Variants in ZBTB32 observed in about 807,000 individuals in gnomAD.
The protein encoded by ZBTB32 is zinc finger and BTB domain-containing protein 32.
ZBTB32 carries 28 observed loss-of-function variants against 45.3 expected under a neutral mutation model. The observed-to-expected ratio is 0.62, with a 90% CI of 0.46 to 0.85. The LOEUF (loss-of-function observed/expected upper bound fraction) is 0.85, where lower values mean the gene tolerates loss of function less well. ZBTB32 is among the 40% of genes least tolerant of loss of function. The pLI, the probability that ZBTB32 is intolerant of heterozygous loss-of-function variation, is 0.00. For missense variants in ZBTB32, 587 were observed against 624.4 expected (o/e 0.94, Z 0.64); for synonymous variants, 283 against 255.7 (o/e 1.11, Z -1.02).
intron 1 of ZBTB32, 38 bp downstream of exon 1, chr19:35,704,661 C>G (rs1968495080): frequency 6.6e-6 from 1 of 152,580 alleles, no homozygotes; most frequent in East Asian, 1.9e-4. Context: ...CTTTCTTGGG[C>G]TTGGGCCCGG....
Position 35,715,262 on chromosome 19 carries a change from C to G in ZBTB32, c.636C>G (p.Leu212=). The change falls in exon 3 of 7, where the codon CTC becomes CTG. Residue 212 remains leucine (L), a synonymous_variant. Transcript: ENST00000392197. The stretch of plus-strand genomic sequence containing the variant: ...GAGCAGATGGGAAGCATGGAGTGCT[C>G]ACGTGGTTGAGGGAAAATCCAGGGG... ...QRGADGKHGV[L]TWLRENPGGS... is the part of the protein sequence containing the mutation. The G allele has an allele frequency of 1.9e-6, 3 of 1,588,572 alleles. No individual in the cohort carries two copies. Among genetic ancestry groups the G allele is most frequent in the Non-Finnish European group, 2.6e-6 (3 of 1,169,212 alleles).
At chr19:35,708,641 T>G (rs1014302821) in intron 1 of ZBTB32, among the ~76,000 whole-genome samples, 6 of 152,094 alleles carry the variant, frequency 3.9e-5, no homozygotes, top group Non-Finnish European at 4.4e-5. Flanking sequence ...ACAAAGTGTG[T>G]GCTATGAAGG....
intron 1 of ZBTB32, among the ~76,000 whole-genome samples, chr19:35,710,881 G>T (rs977112422): frequency 6.6e-6 from 1 of 152,192 alleles, no homozygotes; most frequent in Non-Finnish European, 1.5e-5. Flanking sequence ...AGAGGCTAGA[G>T]AAGTGCTCAG....
At chr19:35,712,446 T>C (rs1968728302) in intron 1 of ZBTB32, among the ~76,000 whole-genome samples, 1 of 152,140 alleles carries the variant, frequency 6.6e-6, no homozygotes, top group South Asian at 2.1e-4. Flanking sequence ...CAAGACCCCG[T>C]CTCAAAATAA....
intron 3 of ZBTB32, 74 bp downstream of exon 3, chr19:35,715,581 G>C: frequency 1.3e-6 from 2 of 1,495,892 alleles, no homozygotes; most frequent in Non-Finnish European, 1.8e-6. Context: ...CTGCTGGGTG[G>C]AAGGGCACTG....
In ZBTB32 at chr19:35,715,219, C is replaced by A. The variant is rs373009533; in HGVS notation, c.593C>A (p.Ala198Asp). Residue 198 changes from alanine to aspartate, a missense_variant, in exon 3 of 7, where the codon GCC (alanine) becomes GAC (aspartate). Physicochemically the swap from Ala to Asp is moderately radical, Grantham distance 126. Transcript: ENST00000392197. The part of the protein sequence containing the change: ...QTRSKEKRLQ[A>D]PVGQRGADGK... ...AGGTCAAAGGAGAAACGCCTCCAAG[C>A]CCCTGTTGGCCAAAGGGGAGCAGAT... 4 of 1,605,660 alleles carry A rather than the reference C, an allele frequency of 2.5e-6. No homozygotes were observed. Among genetic ancestry groups the A allele is most frequent in the Admixed American group, 3.4e-5 (2 of 58,092 alleles).
chr19:35,716,796 GA>G lies in ZBTB32; in HGVS notation c.*48del. 1 of 1,566,488 alleles carries G rather than the reference GA, an allele frequency of 6.4e-7. No individual in the cohort carries two copies. On this transcript the variant is annotated 3_prime_UTR_variant, in exon 7 of 7. Coordinates refer to ENST00000392197, the MANE Select transcript of ZBTB32 (RefSeq NM_014383.3). ...TTAGCCAAGAGTCCAATTAAAGAAC[GA>G]AAAGCGGGCCGGCTCGGCTTCTGAC...
At position 35,716,584 on chromosome 19, in the gene ZBTB32, G is replaced by A. The variant is rs774932862; in HGVS notation, c.1296G>A (p.Leu432=). The part of the protein sequence containing the change: ...THGAAPYRCS[L]CGAGCPSLAS... ...GGGCCGCTCCGTACCGCTGCTCCCT[G>A]TGCGGGGCCGGCTGTCCCAGCCTGG... Residue 432 remains leucine, a synonymous_variant, in exon 7 of 7, where the codon CTG becomes CTA. Transcript: ENST00000392197. The A allele has an allele frequency of 1.9e-6, 3 of 1,613,192 alleles. No individual in the cohort carries two copies. In the African/African-American group the frequency reaches 4.0e-5, roughly 21 times the overall value.
intron 1 of ZBTB32, among the ~76,000 whole-genome samples, chr19:35,707,623 C>T (rs1028656725): frequency 2.0e-5 from 3 of 151,998 alleles, no homozygotes; most frequent in Non-Finnish European, 2.9e-5. Context: ...CCACCTCGGC[C>T]TCCCAAAGTG....
At chr19:35,711,259 G>A (rs1385376840) in intron 1 of ZBTB32, among the ~76,000 whole-genome samples, 1 of 152,172 alleles carries the variant, frequency 6.6e-6, no homozygotes, top group Non-Finnish European at 1.5e-5. Context: ...CATCCCTGGG[G>A]CTAGTCCCTC....
chr19:35,716,998 T>C lies in ZBTB32; in HGVS notation c.*246T>C. 3.6e-6 allele frequency: 2 copies of C among 559,092 alleles called. No homozygotes were observed. Among genetic ancestry groups the C allele is most frequent in the South Asian group, 4.8e-5 (2 of 41,670 alleles). The allele number at this position is 559,092 out of a possible 1,614,324, so 34.6% of individuals were successfully genotyped here. ...GGTTAACAGTAGGGGAGATTGTCGA[T>C]CTCATCACCATAATAAAGAGTTTCC... On this transcript the variant is annotated 3_prime_UTR_variant, in exon 7 of 7. Coordinates refer to ENST00000392197, the MANE Select transcript of ZBTB32 (RefSeq NM_014383.3).
intron 1 of ZBTB32, among the ~76,000 whole-genome samples, chr19:35,707,369 CTT>C (rs35043509): frequency 3.3e-5 from 4 of 119,636 alleles, no homozygotes; most frequent in East Asian, 2.5e-4. Flanking sequence ...CTACCATTTT[CTT>C]TTTTTTTTTT....
rs193217416 is a variant in ZBTB32 at position 35,709,396 on chromosome 19, A to G, written c.-221-3521A>G. 4.4e-4 allele frequency among the ~76,000 whole-genome samples: 67 copies of G among 152,292 alleles called. 1 individual carries two copies. Among genetic ancestry groups the G allele is most frequent in the African/African-American group, 1.5e-3 (61 of 41,562 alleles). On this transcript the variant is annotated intron_variant, in intron 1 of 6. Transcript: ENST00000392197. Reference sequence around the variant, plus strand: ...ATTCTGATGGTTTGATTTTAATTATAATATTTAAGGAGAATTGGTATTTGT... The same window carrying G: ...ATTCTGATGGTTTGATTTTAATTATGATATTTAAGGAGAATTGGTATTTGT...
chr19:35,716,243 G>A lies in ZBTB32; in HGVS notation c.1135G>A (p.Gly379Arg). The change falls in exon 6 of 7, where the codon GGA (glycine) becomes AGA (arginine). Residue 379 changes from glycine (G) to arginine (R), a missense_variant. Gly to Arg is a moderately radical substitution (Grantham distance 125). Coordinates refer to ENST00000392197, the MANE Select transcript of ZBTB32 (RefSeq NM_014383.3). ...RSRPYACSVC[G>R]KRFSLKHQME... ...TCGGCCCTATGCGTGCTCTGTCTGT[G>A]GAAAGAGGTTTTCACTCAAGCATCA... is the stretch of plus-strand genomic sequence containing the variant. 1 of 1,613,912 alleles carries A rather than the reference G, an allele frequency of 6.2e-7. No individual in the cohort carries two copies. Among genetic ancestry groups the A allele is most frequent in the Non-Finnish European group, 8.5e-7 (1 of 1,179,966 alleles).
chr19:35,708,895 C>T (rs1264318263), intron 1 of ZBTB32, among the ~76,000 whole-genome samples: 2 of 151,688 alleles, frequency 1.3e-5, no homozygotes, highest in East Asian at 1.9e-4. Context: ...CTCGGCTCAC[C>T]GCAACCTCCA....
chr19:35,715,235 G>A lies in ZBTB32; in HGVS notation c.609G>A (p.Arg203=). The change falls in exon 3 of 7, where the codon AGG becomes AGA. Residue 203 remains arginine (R), a synonymous_variant. Transcript: ENST00000392197. ...GCCTCCAAGCCCCTGTTGGCCAAAG[G>A]GGAGCAGATGGGAAGCATGGAGTGC... is the stretch of plus-strand genomic sequence containing the variant. ...EKRLQAPVGQ[R]GADGKHGVLT... The A allele has an allele frequency of 1.2e-6, 2 of 1,601,878 alleles. No homozygotes were observed. Among genetic ancestry groups the A allele is most frequent in the Non-Finnish European group, 1.7e-6 (2 of 1,176,148 alleles).
At chr19:35,711,680 G>A (rs1469704439) in intron 1 of ZBTB32, among the ~76,000 whole-genome samples, 1 of 152,076 alleles carries the variant, frequency 6.6e-6, no homozygotes, top group East Asian at 1.9e-4. Flanking sequence ...AGGAAGAAAC[G>A]GGAGCTTAGG....
rs117307858 is a variant in ZBTB32 at position 35,709,920 on chromosome 19, G to A, written c.-221-2997G>A. On this transcript the variant is annotated intron_variant, in intron 1 of 6. Transcript: ENST00000392197. ...GATTTCAAATTTTATTCAGTAATACGAGTATTAGGCCGGGCATGTAGGCTC... is the reference window on the plus strand; with the variant it reads ...GATTTCAAATTTTATTCAGTAATACAAGTATTAGGCCGGGCATGTAGGCTC... Among the ~76,000 whole-genome samples the A allele has an allele frequency of 4.6e-3, 699 of 151,170 alleles. 3 individuals are homozygous for A. The highest frequency in any genetic ancestry group is 7.1e-3 in the Non-Finnish European group (484 of 67,896).
chr19:35,716,434 G>T (rs2234375), intron 6 of ZBTB32, 44 bp from the exon 7 acceptor site: 32 of 1,586,078 alleles, frequency 2.0e-5, no homozygotes, highest in Middle Eastern at 1.7e-4. Context: ...AGCTTTCGCC[G>T]CCTTCTTCCT....
Sources: allele counts gnomAD v4.1 joint callset (sites outside exome capture counted in the v4.1 genomes callset), GRCh38; gene constraint gnomAD v4.1.1; transcripts MANE v1.5; gene names NCBI Gene and HGNC (gene_info 2026-07-23, HGNC 2026-07-21).